DICER1: variants seen among roughly 807,000 people sequenced by gnomAD.
DICER1 encodes dicer 1, ribonuclease III.
DICER1 carries 43 observed loss-of-function variants against 194.1 expected under a neutral mutation model. That is an observed-to-expected ratio of 0.22 (90% CI 0.17 to 0.29). DICER1 has a LOEUF of 0.29. DICER1 is among the 10% of genes least tolerant of loss of function. The probability of loss-of-function intolerance (pLI) is 1.00; values close to 1 mark genes in which losing one functional copy is unlikely to be tolerated. For missense variants in DICER1, 1,608 were observed against 2,317.0 expected, an observed-to-expected ratio of 0.69 and a Z score of 6.28; for synonymous variants, 832 against 820.5, an observed-to-expected ratio of 1.01 and a Z score of -0.24.
Position 95,099,750 on chromosome 14 carries a change from ACACACACACACACACACACAC to A in DICER1, c.4206+9_4206+29del, listed in dbSNP as rs772404151. ...TCCAGTTACACACACACACACACAC[ACACACACACACACACACACAC>A]AAACTTACCATTTCATCTTTTTCCC... On this transcript the variant is annotated intron_variant, in intron 22 of 26. Coordinates refer to ENST00000343455, the MANE Select transcript of DICER1 (RefSeq NM_177438.3). 29 of 1,605,778 alleles carry A rather than the reference ACACACACACACACACACACAC, an allele frequency of 1.8e-5. No individual in the cohort carries two copies. The highest frequency in any genetic ancestry group is 6.7e-5 in the African/African-American group (5 of 74,286).
intron 21 of DICER1, among the ~76,000 whole-genome samples, 159 bp from the exon 22 acceptor site, chr14:95,100,094 A>G (rs1289305616): frequency 6.6e-6 from 1 of 152,178 alleles, no homozygotes; most frequent in African/African-American, 2.4e-5. Context: ...CTACCCATTC[A>G]TGTTATAAAA....
chr14:95,147,337 G>A (rs1895203432), intron 1 of DICER1, among the ~76,000 whole-genome samples: 1 of 152,150 alleles, frequency 6.6e-6, no homozygotes, highest in Non-Finnish European at 1.5e-5. Context: ...GTGGTGGCAT[G>A]TGCCTGTAGT....
rs1274306020 is a variant in DICER1, at chr14:95,110,972, C to T, written c.2256+345G>A. ...CACAAATCCTCTTCTGTCTTAGCCC[C>T]AAATCATAAGTAAAACAAGAATCAC... On this transcript the variant is annotated intron_variant, in intron 14 of 26. Coordinates refer to ENST00000343455, the MANE Select transcript of DICER1 (RefSeq NM_177438.3). 5.9e-5 allele frequency among the ~76,000 whole-genome samples: 9 copies of T among 152,158 alleles called. No homozygotes were observed. The East Asian group carries it at 1.5e-3, about 26-fold the overall frequency.
chr14:95,133,512 G>T lies in DICER1; in HGVS notation c.-45-9C>A. On this transcript the variant is annotated splice_polypyrimidine_tract_variant and intron_variant, in intron 1 of 26. Coordinates refer to ENST00000343455, the MANE Select transcript of DICER1 (RefSeq NM_177438.3). ...TGTTCTAGCACAGCTTACTACAAAAGGGAAAAAGAATACCATTACACAATC... is the reference window on the plus strand; with the variant it reads ...TGTTCTAGCACAGCTTACTACAAAATGGAAAAAGAATACCATTACACAATC... 6.4e-7 allele frequency: 1 copy of T among 1,559,328 alleles called. No individual in the cohort carries two copies. The highest frequency in any genetic ancestry group is 8.7e-7 in the Non-Finnish European group (1 of 1,145,786).
intron 1 of DICER1, among the ~76,000 whole-genome samples, chr14:95,135,980 C>T (rs903168164): frequency 6.6e-6 from 1 of 152,050 alleles, no homozygotes; most frequent in Non-Finnish European, 1.5e-5. Flanking sequence ...CTATGTAAGA[C>T]AATACTCTTA....
At chr14:95,137,921 C>T (rs1455764535) in intron 1 of DICER1, 1 of 154,652 alleles carries the variant, frequency 6.5e-6, no homozygotes, top group East Asian at 1.9e-4. Flanking sequence ...AGATCGTTTC[C>T]CTGGCCTGCC....
rs949231811 is a variant in DICER1 at position 95,088,301 on chromosome 14, G to C, written c.*2197C>G. On this transcript the variant is annotated 3_prime_UTR_variant, in exon 27 of 27. Coordinates refer to ENST00000343455, the MANE Select transcript of DICER1 (RefSeq NM_177438.3). Reference sequence around the variant, plus strand: ...TATATTGAGGCATTTTTCTCCCACTGGGAATCATAACTGTGAAAACAATCT... The same window carrying C: ...TATATTGAGGCATTTTTCTCCCACTCGGAATCATAACTGTGAAAACAATCT... 6 of 231,908 alleles carry C rather than the reference G, an allele frequency of 2.6e-5. No homozygotes were observed. Among genetic ancestry groups the C allele is most frequent in the African/African-American group, 1.3e-4 (6 of 45,218 alleles). The allele number at this position is 231,908 out of a possible 1,614,324, so 14.4% of individuals were successfully genotyped here.
Position 95,105,812 on chromosome 14 carries a change from AAC to A in DICER1, c.2988-31_2988-30del. 2 of 1,583,986 alleles carry A rather than the reference AAC, an allele frequency of 1.3e-6. No homozygotes were observed. The highest frequency in any genetic ancestry group is 8.7e-7 in the Non-Finnish European group (1 of 1,152,858). ...TAAGAATTCCAAAACAATTTTATCA[AAC>A]ACACAAAAATGAGTACATATTCACA... On this transcript the variant is annotated intron_variant, in intron 18 of 26. Transcript: ENST00000343455. The surrounding 1 kb of genome is among the most constrained non-coding windows in gnomAD (Gnocchi z 4.9).
At position 95,105,584 on chromosome 14, in the gene DICER1, C is replaced by A. The variant is rs976730717; in HGVS notation, c.3093+94G>T. ...ACTTCTAAAAAATTAACGAATCATGCATTTAACTTGGTAAGATAAAATTCA... is the reference window on the plus strand; with the variant it reads ...ACTTCTAAAAAATTAACGAATCATGAATTTAACTTGGTAAGATAAAATTCA... On this transcript the variant is annotated intron_variant, in intron 19 of 26. Coordinates refer to ENST00000343455, the MANE Select transcript of DICER1 (RefSeq NM_177438.3). This position sits in a 1 kb window ranked among gnomAD's most constrained non-coding sequence, Gnocchi z 4.9. 1.2e-5 allele frequency: 12 copies of A among 980,104 alleles called. No homozygotes were observed. The Admixed American group carries it at 2.4e-4, about 19-fold the overall frequency. The allele number at this position is 980,104 out of a possible 1,614,324, so 60.7% of individuals were successfully genotyped here.
chr14:95,106,006 A>T, intron 18 of DICER1, 35 bp downstream of exon 18: 1 of 1,607,362 alleles, frequency 6.2e-7, no homozygotes, highest in South Asian at 1.1e-5. Context: ...GAATCCCTCA[A>T]GTGCAATCCA....
intron 1 of DICER1, chr14:95,136,657 C>G (rs1894398407): frequency 1.3e-5 from 2 of 152,200 alleles, no homozygotes; most frequent in Non-Finnish European, 2.9e-5. Flanking sequence ...GCTCATCCAA[C>G]AGCAAAAAAT....
rs2140017683 is a variant in DICER1 at position 95,107,590 on chromosome 14, T to C, written c.2804+18A>G. 1 of 1,613,402 alleles carries C rather than the reference T, an allele frequency of 6.2e-7. No homozygotes were observed. The highest frequency in any genetic ancestry group is 1.1e-5 in the South Asian group (1 of 91,066). ...AACAAAGTATCACCACCATTTTCCT[T>C]TCCATTTAAATACCTACCTTGGAAT... is the stretch of plus-strand genomic sequence containing the variant. On this transcript the variant is annotated intron_variant, in intron 17 of 26. Transcript: ENST00000343455.
chr14:95,124,686 G>GA lies in DICER1; in HGVS notation c.904-19dup, dbSNP rs564981123. The GA allele has an allele frequency of 1.9e-6, 3 of 1,576,338 alleles. No homozygotes were observed. The highest frequency in any genetic ancestry group is 2.2e-5 in the East Asian group (1 of 44,694). On this transcript the variant is annotated intron_variant, in intron 7 of 26. Coordinates refer to ENST00000343455, the MANE Select transcript of DICER1 (RefSeq NM_177438.3). The surrounding 1 kb of genome is among the most constrained non-coding windows in gnomAD (Gnocchi z 4.5). ...GATAGTATCTACAAAAAAAAGAAAA[G>GA]AAAAAACCTAATGCCAAATAATAAT...
Position 95,124,109 on chromosome 14 carries a change from T to C in DICER1, c.1376+87A>G. 4 of 960,396 alleles carry C rather than the reference T, an allele frequency of 4.2e-6. No homozygotes were observed. The Admixed American group carries it at 5.6e-5, about 13-fold the overall frequency. The allele number at this position is 960,396 out of a possible 1,614,324, so 59.5% of individuals were successfully genotyped here. On this transcript the variant is annotated intron_variant, in intron 8 of 26. Transcript: ENST00000343455. This position sits in a 1 kb window ranked among gnomAD's most constrained non-coding sequence, Gnocchi z 4.5. ...AAGGACACTTACATAACCCTCATGCTAGCTCTTACAGCTGCTGCAGCGCAT... is the reference window on the plus strand; with the variant it reads ...AAGGACACTTACATAACCCTCATGCCAGCTCTTACAGCTGCTGCAGCGCAT...
Position 95,096,100 on chromosome 14 carries a change from C to T in DICER1, c.4820G>A (p.Arg1607Gln), listed in dbSNP as rs368963384. ...TDREKALCPT[R>Q]ENFNSQQKNL... ...CTTTTGTTGGCTGTTGAAATTCTCC[C>T]GAGTAGGGCACAGGGCCTTTTCCCG... Residue 1607 changes from arginine to glutamine, a missense_variant, in exon 23 of 27, where the codon CGG becomes CAG. By Grantham distance (43) the Arg-to-Gln change is conservative. Around this residue, in one of 10 missense-constraint regions of DICER1, gnomAD observed 125 missense variants for 134.9 expected, o/e 0.93. Transcript: ENST00000343455. The T allele has an allele frequency of 2.3e-5, 37 of 1,614,144 alleles. No individual in the cohort carries two copies. The highest frequency in any genetic ancestry group is 1.3e-4 in the East Asian group (6 of 44,890).
chr14:95,102,370 A>C (rs1235877111), intron 21 of DICER1, among the ~76,000 whole-genome samples: 1 of 152,152 alleles, frequency 6.6e-6, no homozygotes, highest in African/African-American at 2.4e-5. Context: ...AAATTCCTTC[A>C]ACAGTGCCTA....
At chr14:95,141,474 C>A (rs562628826) in intron 1 of DICER1, among the ~76,000 whole-genome samples, 2 of 152,204 alleles carry the variant, frequency 1.3e-5, no homozygotes, top group African/African-American at 4.8e-5. Flanking sequence ...ACTTGGTTTG[C>A]GCTCAGGTCT....
In DICER1 at chr14:95,103,456, G is replaced by T; in HGVS notation, c.3940C>A (p.Arg1314=). 2 of 1,614,128 alleles carry T rather than the reference G, an allele frequency of 1.2e-6. No homozygotes were observed. The highest frequency in any genetic ancestry group is 8.5e-7 in the Non-Finnish European group (1 of 1,180,018). ...AAGGAGTCGCCAAGCATTTCAAGCC[G>T]CTCCAGGTTAAATCCATCACTAGCG... ...SNASDGFNLE[R]LEMLGDSFLK... Residue 1314 remains arginine (R), a synonymous_variant, in exon 21 of 27, where the codon CGG becomes AGG. Coordinates refer to ENST00000343455, the MANE Select transcript of DICER1 (RefSeq NM_177438.3).
At chr14:95,123,622 G>A (rs893602461) in intron 8 of DICER1, among the ~76,000 whole-genome samples, 3 of 152,190 alleles carry the variant, frequency 2.0e-5, no homozygotes, top group South Asian at 4.2e-4. Flanking sequence ...GTTTCGTTGT[G>A]TTGCCCCTTG....
Sources: gnomAD v4.1 joint callset for allele counts (sites outside exome capture counted in the v4.1 genomes callset) on GRCh38, gnomAD v4.1.1 for gene constraint, gnomAD v4.1.1 regional missense constraint, Gnocchi (gnomAD v3.1) non-coding constraint, MANE v1.5 for transcripts, NCBI Gene and HGNC (gene_info 2026-07-23, HGNC 2026-07-21) for gene names.